Variants in TTC39A observed in about 807,000 individuals in gnomAD.
TTC39A encodes the protein tetratricopeptide repeat domain 39A.
A neutral mutation model predicts 82.3 loss-of-function variants in TTC39A; 46 were observed. The ratio of observed to expected loss-of-function variants is 0.56; its 90% CI spans 0.44 to 0.71. The LOEUF is 0.71. TTC39A is among the 30% of genes least tolerant of loss of function. The probability of loss-of-function intolerance (pLI) is 0.00; values close to 1 mark genes in which losing one functional copy is unlikely to be tolerated. For synonymous variants in TTC39A, 254 were observed against 275.2 expected, an observed-to-expected ratio of 0.92 and a Z score of 0.76; for missense variants, 543 against 712.9, an observed-to-expected ratio of 0.76 and a Z score of 2.71.
upstream of TTC39A, among the ~76,000 whole-genome samples, chr1:51,334,470 G>A (rs969306956): frequency 3.2e-4 from 48 of 151,916 alleles, no homozygotes; most frequent in African/African-American, 1.1e-3. Flanking sequence ...ACTATTGCAC[G>A]CCAGCCTGGG....
chr1:51,293,562 G>A (rs116588708), intron 14 of TTC39A, among the ~76,000 whole-genome samples: 2,990 of 152,190 alleles, frequency 0.02, 89 homozygotes, highest in African/African-American at 0.067. Flanking sequence ...AGGGGAAGAG[G>A]GAACCGACCT....
intron 16 of TTC39A, among the ~76,000 whole-genome samples, 152 bp from the exon 17 acceptor site, chr1:51,289,107 A>G (rs1477194728): frequency 6.6e-6 from 1 of 152,038 alleles, no homozygotes; most frequent in Non-Finnish European, 1.5e-5. Context: ...CCCATCCTGT[A>G]CCTTGGGCTC....
chr1:51,290,488 A>C, intron 15 of TTC39A, 26 bp downstream of exon 15: 1 of 1,602,422 alleles, frequency 6.2e-7, no homozygotes, highest in South Asian at 1.1e-5. Flanking sequence ...CTAGCATGGC[A>C]GGCCCAAGGG....
intron 10 of TTC39A, 23 bp from the exon 11 acceptor site, chr1:51,302,439 C>T: frequency 6.2e-7 from 1 of 1,606,134 alleles, no homozygotes; most frequent in Non-Finnish European, 8.5e-7. Context: ...ACATGTAAGT[C>T]CGTGTGGGTC....
chr1:51,312,255 C>G, intron 3 of TTC39A, 60 bp from the exon 4 acceptor site: 13 of 1,462,408 alleles, frequency 8.9e-6, no homozygotes, highest in Non-Finnish European at 1.2e-5. Flanking sequence ...CTTGTCTCTG[C>G]CCCTCTCTGC....
At chr1:51,293,992 G>A (rs966929696) in intron 14 of TTC39A, among the ~76,000 whole-genome samples, 1 of 152,238 alleles carries the variant, frequency 6.6e-6, no homozygotes, top group Admixed American at 6.5e-5. Flanking sequence ...TGGCTATTAT[G>A]TGAGTTCAGA....
Position 51,288,311 on chromosome 1 carries a change from G to A in TTC39A, c.1611-31C>T. 1 of 1,613,598 alleles carries A rather than the reference G, an allele frequency of 6.2e-7. No individual in the cohort carries two copies. The highest frequency in any genetic ancestry group is 2.2e-5 in the East Asian group (1 of 44,886). On this transcript the variant is annotated intron_variant, in intron 17 of 17. Coordinates refer to ENST00000680483, the MANE Select transcript of TTC39A (RefSeq NM_001297663.2). This position sits in a 1 kb window ranked among gnomAD's most constrained non-coding sequence, Gnocchi z 4.8. ...ATTGAGCAGCGAATCAGACACATGA[G>A]GCTGCCTGCTCCCAGAGATGCTTTT...
chr1:51,291,178 T>TC (rs1644197652), intron 14 of TTC39A, among the ~76,000 whole-genome samples: 1 of 152,212 alleles, frequency 6.6e-6, no homozygotes, highest in African/African-American at 2.4e-5. Context: ...TTTCTTAGAT[T>TC]CTTTTTTTTT....
chr1:51,321,642 G>T lies in TTC39A; in HGVS notation c.146+79C>A. 7.4e-7 allele frequency: 1 copy of T among 1,348,680 alleles called. No individual in the cohort carries two copies. The highest frequency in any genetic ancestry group is 2.4e-5 in the East Asian group (1 of 41,212). The allele number at this position is 1,348,680 out of a possible 1,614,324, so 83.5% of individuals were successfully genotyped here. A position where few individuals can be genotyped will look rare whatever the true frequency, so the allele number is the denominator to read the frequency against. On this transcript the variant is annotated intron_variant, in intron 2 of 17. Coordinates refer to ENST00000680483, the MANE Select transcript of TTC39A (RefSeq NM_001297663.2). This position sits in a 1 kb window ranked among gnomAD's most constrained non-coding sequence, Gnocchi z 4.6. ...AAAGCCAAAGGCATTTAGTTACACA[G>T]GGTTCCTCTCATACAAGACCTCTGG... is the stretch of plus-strand genomic sequence containing the variant.
At position 51,322,112 on chromosome 1, in the gene TTC39A, T is replaced by A. The variant is rs1235602110; in HGVS notation, c.42-287A>T. ...GCAAAGAGGCCTCAGGAATCAATGATCTTACCCTCCACAAGGGTAAAGGGA... is the reference window on the plus strand; with the variant it reads ...GCAAAGAGGCCTCAGGAATCAATGAACTTACCCTCCACAAGGGTAAAGGGA... On this transcript the variant is annotated intron_variant, in intron 1 of 17. Coordinates refer to ENST00000680483, the MANE Select transcript of TTC39A (RefSeq NM_001297663.2). The A allele has an allele frequency of 9.7e-6, 15 of 1,552,600 alleles. No homozygotes were observed. In the East Asian group the frequency reaches 3.7e-4, roughly 38 times the overall value.
chr1:51,310,680 G>C (rs1645049324), intron 5 of TTC39A, among the ~76,000 whole-genome samples: 1 of 152,194 alleles, frequency 6.6e-6, no homozygotes, highest in Non-Finnish European at 1.5e-5. Context: ...GTGTGGTGAG[G>C]AGACCTGGGC....
chr1:51,305,678 T>G, intron 7 of TTC39A: 29 of 436,116 alleles, frequency 6.6e-5, no homozygotes, highest in East Asian at 8.8e-5. Flanking sequence ...AAAGCCCTGA[T>G]TTATTGTGTG....
chr1:51,345,049 CGGGCCGGGCTCGGACGGGGCCGCGGGCG>C (rs1379098448), exon 1 of TTC39A: 1 of 1,471,362 alleles, frequency 6.8e-7, no homozygotes, highest in Middle Eastern at 2.1e-4. Context: ...GCCATGGGCG[CGGGCCGGGCTCGGACGGGGCCGCGGGCG>C]GCCCCTCGCG....
intron 15 of TTC39A, 36 bp from the exon 16 acceptor site, chr1:51,290,155 G>C: frequency 6.3e-7 from 1 of 1,589,750 alleles, no homozygotes; most frequent in Non-Finnish European, 8.6e-7. Context: ...AGACAGACTT[G>C]TTCATTTCTG....
chr1:51,290,639 G>C lies in TTC39A; in HGVS notation c.1267-14C>G, dbSNP rs1312383974. ...GTACATCATTTCCTGAAGGCAGGGGGGCAAGTCAGTCCTAGGTTTCTTCCC... is the reference window on the plus strand; with the variant it reads ...GTACATCATTTCCTGAAGGCAGGGGCGCAAGTCAGTCCTAGGTTTCTTCCC... On this transcript the variant is annotated splice_polypyrimidine_tract_variant and intron_variant, in intron 14 of 17. Coordinates refer to ENST00000680483, the MANE Select transcript of TTC39A (RefSeq NM_001297663.2). 4.4e-6 allele frequency: 7 copies of C among 1,606,582 alleles called. No individual in the cohort carries two copies. The highest frequency in any genetic ancestry group is 1.7e-5 in the Admixed American group (1 of 58,876).
At chr1:51,305,045 T>C in intron 8 of TTC39A, 36 bp downstream of exon 8, 1 of 1,610,614 alleles carries the variant, frequency 6.2e-7, no homozygotes, top group South Asian at 1.1e-5. Flanking sequence ...GTTCTGGGGC[T>C]GAGCAGGTCA....
chr1:51,326,465 A>G (rs764618382), intron 1 of TTC39A, among the ~76,000 whole-genome samples: 8 of 152,194 alleles, frequency 5.3e-5, no homozygotes, highest in Non-Finnish European at 1.2e-4. Context: ...TGCGGTGGCT[A>G]GAGAGCTCAG....
At chr1:51,342,115 G>T (rs371334572) in intron 1 of TTC39A, among the ~76,000 whole-genome samples, 1 of 152,180 alleles carries the variant, frequency 6.6e-6, no homozygotes, top group Non-Finnish European at 1.5e-5. Context: ...TACCACAAGT[G>T]GGGGCTATGG....
intron 1 of TTC39A, among the ~76,000 whole-genome samples, chr1:51,344,495 T>C (rs1646073427): frequency 6.6e-6 from 1 of 152,150 alleles, no homozygotes; most frequent in Non-Finnish European, 1.5e-5. Flanking sequence ...TAATTCACCC[T>C]GGACTGGGAC....
Sources: allele counts gnomAD v4.1 joint callset (sites outside exome capture counted in the v4.1 genomes callset), GRCh38; gene constraint gnomAD v4.1.1; non-coding constraint Gnocchi (gnomAD v3.1); transcripts MANE v1.5; gene names NCBI Gene and HGNC (gene_info 2026-07-23, HGNC 2026-07-21).